TRERF1: variants seen among roughly 807,000 people sequenced by gnomAD.
TRERF1 encodes transcriptional-regulating factor 1.
TRERF1 carries 27 observed loss-of-function variants against 122.9 expected under a neutral mutation model. The observed-to-expected ratio is 0.22, with a 90% CI of 0.16 to 0.30. TRERF1 has a LOEUF of 0.30. TRERF1 is among the 10% of genes least tolerant of loss of function. The pLI, the probability that TRERF1 is intolerant of heterozygous loss-of-function variation, is 1.00. For synonymous variants in TRERF1, 636 were observed against 641.7 expected (o/e 0.99, Z 0.13); for missense variants, 1,248 against 1,560.3 (o/e 0.80, Z 3.37).
In TRERF1 at chr6:42,338,308, C is replaced by T. The variant is rs553248921; in HGVS notation, c.-371+24689G>A. On this transcript the variant is annotated intron_variant, in intron 3 of 17. Coordinates refer to ENST00000372922, the Ensembl canonical transcript of TRERF1. ...ACTTGGGGGTAGGGAAATGGGCAAC[C>T]GGTCTTCTGAACAAGACTGGGATTC... Among the ~76,000 whole-genome samples, 9 of 152,164 alleles carry T rather than the reference C, an allele frequency of 5.9e-5. 1 individual carries two copies. In the South Asian group the frequency reaches 1.7e-3, roughly 28 times the overall value.
intron 2 of TRERF1, among the ~76,000 whole-genome samples, chr6:42,384,234 G>A (rs1776421582): frequency 6.6e-6 from 1 of 152,062 alleles, no homozygotes; most frequent in Non-Finnish European, 1.5e-5. Context: ...ACCATTTGGA[G>A]GGTTGCTTTA....
intron 4 of TRERF1, among the ~76,000 whole-genome samples, chr6:42,272,792 C>T (rs1582733538): frequency 6.6e-6 from 1 of 152,280 alleles, no homozygotes; most frequent in East Asian, 1.9e-4. Flanking sequence ...CACTCCTTTC[C>T]TCACACATAT....
rs1415223017 is a variant in TRERF1, at chr6:42,268,084, G to T, written c.1437+70C>A. The stretch of plus-strand genomic sequence containing the variant: ...GTTGAGGGGGCTTGGAGAGAGGATT[G>T]AGCACTGCAGACTCAGCCCTGACCC... On this transcript the variant is annotated intron_variant, in intron 5 of 17. Transcript: ENST00000372922. This position sits in a 1 kb window ranked among gnomAD's most constrained non-coding sequence, Gnocchi z 4.4. 2.9e-6 allele frequency: 4 copies of T among 1,369,536 alleles called. No homozygotes were observed. The highest frequency in any genetic ancestry group is 3.8e-6 in the Non-Finnish European group (4 of 1,055,094). The allele number at this position is 1,369,536 out of a possible 1,614,324, so 84.8% of individuals were successfully genotyped here.
At chr6:42,433,602 C>T (rs1784817403) in intron 2 of TRERF1, among the ~76,000 whole-genome samples, 2 of 152,106 alleles carry the variant, frequency 1.3e-5, no homozygotes, top group South Asian at 2.1e-4. Flanking sequence ...CGGTAAAATG[C>T]CCAGCACTCA....
Position 42,276,617 on chromosome 6 carries a change from T to C in TRERF1, c.-258-6769A>G, listed in dbSNP as rs1781197882. Among the ~76,000 whole-genome samples, 1 of 152,256 alleles carries C rather than the reference T, an allele frequency of 6.6e-6. No individual in the cohort carries two copies. Among genetic ancestry groups the C allele is most frequent in the African/African-American group, 2.4e-5 (1 of 41,470 alleles). Reference sequence around the variant, plus strand: ...CACCGTTGTTGTTCTAAATGCTTTCTGATTAGTCTTCTAAATAATTCCAGT... The same window carrying C: ...CACCGTTGTTGTTCTAAATGCTTTCCGATTAGTCTTCTAAATAATTCCAGT... On this transcript the variant is annotated intron_variant, in intron 4 of 17. Coordinates refer to ENST00000372922, the Ensembl canonical transcript of TRERF1. This position sits in a 1 kb window ranked among gnomAD's most constrained non-coding sequence, Gnocchi z 4.3.
chr6:42,387,367 C>T (rs1776982095), intron 2 of TRERF1, among the ~76,000 whole-genome samples: 1 of 152,224 alleles, frequency 6.6e-6, no homozygotes, highest in South Asian at 2.1e-4. Context: ...GAAGCTCCAG[C>T]CAGACTTAGC....
At chr6:42,243,721 C>T (rs1774192158) in intron 14 of TRERF1, among the ~76,000 whole-genome samples, 1 of 151,788 alleles carries the variant, frequency 6.6e-6, no homozygotes, top group Admixed American at 6.6e-5. Context: ...GCTGGGACTA[C>T]AGGCATCCGC....
intron 3 of TRERF1, among the ~76,000 whole-genome samples, chr6:42,309,493 G>C (rs950364480): frequency 1.3e-5 from 2 of 152,168 alleles, no homozygotes; most frequent in African/African-American, 2.4e-5. Context: ...TCATCTCTGT[G>C]TTATATGTGC....
chr6:42,434,633 A>T (rs1784979093), intron 2 of TRERF1, among the ~76,000 whole-genome samples: 1 of 150,720 alleles, frequency 6.6e-6, no homozygotes, highest in African/African-American at 2.4e-5. Context: ...ACAAACAAAA[A>T]CTGGGAGAAC....
chr6:42,364,239 C>T (rs1422987468), intron 2 of TRERF1, among the ~76,000 whole-genome samples: 1 of 152,194 alleles, frequency 6.6e-6, no homozygotes, highest in East Asian at 1.9e-4. Flanking sequence ...TTCCCCATCC[C>T]TGGAGCACTC....
intron 3 of TRERF1, among the ~76,000 whole-genome samples, chr6:42,350,195 C>A (rs972507671): frequency 6.6e-6 from 1 of 152,214 alleles, no homozygotes; most frequent in African/African-American, 2.4e-5. Context: ...GCCCACTGCA[C>A]AGCTCTGGAA....
chr6:42,410,420 A>T (rs1230598851), intron 2 of TRERF1, among the ~76,000 whole-genome samples: 1 of 152,132 alleles, frequency 6.6e-6, no homozygotes, highest in Admixed American at 6.5e-5. Context: ...AAGGGCTGGG[A>T]TTACAGGCGT....
At chr6:42,280,124 C>G (rs189087970) in intron 4 of TRERF1, among the ~76,000 whole-genome samples, 2 of 151,882 alleles carry the variant, frequency 1.3e-5, no homozygotes, top group Non-Finnish European at 2.9e-5. Flanking sequence ...GCGGCGACAC[C>G]GAGCTACATA....
chr6:42,324,758 G>A (rs1763998524), intron 3 of TRERF1, among the ~76,000 whole-genome samples: 1 of 152,004 alleles, frequency 6.6e-6, no homozygotes, highest in Admixed American at 6.6e-5. Context: ...AACTCAAGAT[G>A]GATTAAAGAC....
rs555737563 is a variant in TRERF1, at chr6:42,358,944, TA to T, written c.-371+4052del. Among the ~76,000 whole-genome samples, 10 of 152,244 alleles carry T rather than the reference TA, an allele frequency of 6.6e-5. No homozygotes were observed. In the South Asian group the frequency reaches 1.7e-3, roughly 25 times the overall value. ...CAAGCCCCAAGTGCAACTAACAACC[TA>T]CAGAAGACGGAAGTCTAACTTTAGT... On this transcript the variant is annotated intron_variant, in intron 3 of 17. Transcript: ENST00000372922.
chr6:42,432,075 G>C lies in TRERF1; in HGVS notation c.-454+19102C>G, dbSNP rs545092701. Among the ~76,000 whole-genome samples, 13 of 152,232 alleles carry C rather than the reference G, an allele frequency of 8.5e-5. No homozygotes were observed. The South Asian group carries it at 2.7e-3, about 32-fold the overall frequency. ...CTCTGCCACTGACAACTGTACCATG[G>C]GCAAGTGACCTATTCCCTCATGCCT... On this transcript the variant is annotated intron_variant, in intron 2 of 17. Transcript: ENST00000372922.
chr6:42,265,914 T>C (rs368232899), intron 5 of TRERF1, 117 bp from the exon 6 acceptor site: 1 of 1,044,970 alleles, frequency 9.6e-7, no homozygotes, highest in East Asian at 2.6e-5. Context: ...TTCTGCTGTC[T>C]GCTTCGTGCT....
chr6:42,326,512 G>A (rs1764321745), intron 3 of TRERF1, among the ~76,000 whole-genome samples: 1 of 152,178 alleles, frequency 6.6e-6, no homozygotes, highest in Admixed American at 6.5e-5. Flanking sequence ...TGGGGCCCAG[G>A]GCAAGAACTG....
chr6:42,336,911 G>A (rs566851096), intron 3 of TRERF1, among the ~76,000 whole-genome samples: 8 of 152,332 alleles, frequency 5.3e-5, no homozygotes, highest in South Asian at 4.1e-4. Flanking sequence ...GGGCTGCGGC[G>A]GAGGATGGCA....
Sources: gnomAD v4.1 joint callset for allele counts (sites outside exome capture counted in the v4.1 genomes callset) on GRCh38, gnomAD v4.1.1 for gene constraint, Gnocchi (gnomAD v3.1) non-coding constraint, MANE v1.5 for transcripts, NCBI Gene and HGNC (gene_info 2026-07-23, HGNC 2026-07-21) for gene names.